Variants in NRG3 observed in about 807,000 individuals in gnomAD.
NRG3 encodes the protein neuregulin 3.
Under a neutral mutation model 66.9 loss-of-function variants are expected in NRG3, and 31 were observed. The observed-to-expected ratio is 0.46, with a 90% CI of 0.35 to 0.63. NRG3 has a LOEUF of 0.63. Among genes scored for constraint, NRG3 ranks in the 20% least tolerant of loss-of-function variants. The pLI is 0.00. For synonymous variants in NRG3, 393 were observed against 359.4 expected, an observed-to-expected ratio of 1.09 and a Z score of -1.06; for missense variants, 910 against 878.9, an observed-to-expected ratio of 1.04 and a Z score of -0.45.
chr10:82,243,528 A>G (rs2077096040), intron 1 of NRG3, among the ~76,000 whole-genome samples: 1 of 152,178 alleles, frequency 6.6e-6, no homozygotes, highest in African/African-American at 2.4e-5. Context: ...TAGAAATAAA[A>G]ATTAAGTCAA....
intron 7 of NRG3, among the ~76,000 whole-genome samples, chr10:82,975,103 A>T (rs1852128971): frequency 6.6e-6 from 1 of 152,150 alleles, no homozygotes; most frequent in Non-Finnish European, 1.5e-5. Flanking sequence ...GCAAGTTTTG[A>T]TTTATATCAA....
intron 1 of NRG3, among the ~76,000 whole-genome samples, chr10:81,931,537 C>G (rs1392780420): frequency 6.6e-6 from 1 of 152,186 alleles, no homozygotes; most frequent in East Asian, 1.9e-4. Flanking sequence ...TGGTCCCTCT[C>G]TCTCCTTGGG....
At chr10:82,133,125 T>A (rs1329983230) in intron 1 of NRG3, among the ~76,000 whole-genome samples, 1 of 151,734 alleles carries the variant, frequency 6.6e-6, no homozygotes, top group Non-Finnish European at 1.5e-5. Context: ...TTCTTGCTTT[T>A]CTATTTCTTT....
chr10:82,117,135 G>A (rs2067775639), intron 1 of NRG3, among the ~76,000 whole-genome samples: 1 of 152,042 alleles, frequency 6.6e-6, no homozygotes, highest in African/African-American at 2.4e-5. Flanking sequence ...TCATATTTAA[G>A]GATAATTTCC....
intron 1 of NRG3, among the ~76,000 whole-genome samples, chr10:81,991,902 T>C (rs1041835529): frequency 6.6e-6 from 1 of 152,122 alleles, no homozygotes; most frequent in Non-Finnish European, 1.5e-5. Context: ...TTTCCATAAT[T>C]ATTAAACAAA....
intron 1 of NRG3, among the ~76,000 whole-genome samples, chr10:82,007,811 A>T (rs2133747289): frequency 6.6e-6 from 1 of 152,284 alleles, no homozygotes; most frequent in African/African-American, 2.4e-5. Flanking sequence ...TATATGCTAC[A>T]ACTTTTTCAC....
chr10:82,454,942 GATA>G (rs1194202853), intron 2 of NRG3, among the ~76,000 whole-genome samples: 1 of 152,152 alleles, frequency 6.6e-6, no homozygotes, highest in Non-Finnish European at 1.5e-5. Flanking sequence ...CTGTGAGGTA[GATA>G]ATAATATCTC....
At chr10:82,917,099 C>A (rs1401779499) in intron 4 of NRG3, among the ~76,000 whole-genome samples, 2 of 152,164 alleles carry the variant, frequency 1.3e-5, no homozygotes, top group Non-Finnish European at 1.5e-5. Flanking sequence ...AATCATACTG[C>A]TGAATTAATT....
At chr10:82,612,917 A>C (rs1193119534) in intron 2 of NRG3, among the ~76,000 whole-genome samples, 3 of 152,200 alleles carry the variant, frequency 2.0e-5, no homozygotes, top group Non-Finnish European at 4.4e-5. Flanking sequence ...GTGGCTGTGA[A>C]GTATGAAGCA....
chr10:82,495,065 C>T (rs774453726), intron 2 of NRG3, among the ~76,000 whole-genome samples: 29 of 151,830 alleles, frequency 1.9e-4, no homozygotes, highest in Non-Finnish European at 3.5e-4. Flanking sequence ...CTCAGCCTCC[C>T]GAGTAGCTGA....
chr10:81,929,501 A>T (rs2132967177), intron 1 of NRG3, among the ~76,000 whole-genome samples: 1 of 152,244 alleles, frequency 6.6e-6, no homozygotes, highest in Non-Finnish European at 1.5e-5. Context: ...TGGGCTATGG[A>T]GCCCAGGCTC....
At chr10:82,554,689 A>T (rs369828663) in intron 2 of NRG3, among the ~76,000 whole-genome samples, 2 of 152,280 alleles carry the variant, frequency 1.3e-5, no homozygotes, top group East Asian at 3.9e-4. Flanking sequence ...ACTTGATGAG[A>T]TTATCTTCCA....
rs78992622 is a variant in NRG3 at position 82,102,849 on chromosome 10, A to G, written c.823+226686A>G. On this transcript the variant is annotated intron_variant, in intron 1 of 8. Coordinates refer to ENST00000372141, the MANE Select transcript of NRG3 (RefSeq NM_001010848.4). ...CTATATACATTGAAAACTCCACCATATATTTTAATTTTAACTTTCACACTA... is the reference window on the plus strand; with the variant it reads ...CTATATACATTGAAAACTCCACCATGTATTTTAATTTTAACTTTCACACTA... 5.3e-5 allele frequency among the ~76,000 whole-genome samples: 8 copies of G among 152,070 alleles called. No individual in the cohort carries two copies. The East Asian group carries it at 9.7e-4, about 18-fold the overall frequency.
chr10:82,927,438 G>T (rs1462538454), intron 4 of NRG3, among the ~76,000 whole-genome samples: 1 of 152,078 alleles, frequency 6.6e-6, no homozygotes, highest in Non-Finnish European at 1.5e-5. Flanking sequence ...GGCTATGGTG[G>T]TTTGCTGCAC....
intron 2 of NRG3, among the ~76,000 whole-genome samples, chr10:82,425,407 T>A (rs942115422): frequency 4.9e-3 from 1 of 206 alleles, no homozygotes; most frequent in Admixed American, 0.056. Flanking sequence ...AAATGGAGGT[T>A]TTTTTTTTAG....
chr10:82,475,065 CA>C (rs903916962), intron 2 of NRG3, among the ~76,000 whole-genome samples: 25 of 150,632 alleles, frequency 1.7e-4, no homozygotes, highest in African/African-American at 5.6e-4. Flanking sequence ...CCTCGAAAAA[CA>C]GCAAGAAAAA....
chr10:82,219,144 G>T (rs1266321314), intron 1 of NRG3, among the ~76,000 whole-genome samples: 1 of 151,196 alleles, frequency 6.6e-6, no homozygotes, highest in East Asian at 1.9e-4. Flanking sequence ...TAACACATTT[G>T]TTCTTAGTAT....
At chr10:82,872,106 G>A (rs1316375053) in intron 4 of NRG3, among the ~76,000 whole-genome samples, 1 of 152,090 alleles carries the variant, frequency 6.6e-6, no homozygotes, top group African/African-American at 2.4e-5. Flanking sequence ...TTAACTGAGA[G>A]TTTTTACCAT....
chr10:82,307,433 C>T (rs1365146155), intron 1 of NRG3, among the ~76,000 whole-genome samples: 3 of 152,032 alleles, frequency 2.0e-5, no homozygotes, highest in Admixed American at 1.3e-4. Context: ...ATATTTTTTT[C>T]ATTGTGTATA....
Sources: allele counts gnomAD v4.1 joint callset (sites outside exome capture counted in the v4.1 genomes callset), GRCh38; gene constraint gnomAD v4.1.1; transcripts MANE v1.5; gene names NCBI Gene and HGNC (gene_info 2026-07-23, HGNC 2026-07-21).